The following ANKRD6 variants were observed in gnomAD, a reference collection of about 807,000 sequenced individuals.
ANKRD6 encodes the protein ankyrin repeat domain 6.
A neutral mutation model predicts 82.3 loss-of-function variants in ANKRD6; 56 were observed. The observed-to-expected ratio is 0.68, with a 90% CI of 0.55 to 0.85. ANKRD6 has a LOEUF of 0.85. Among genes scored for constraint, ANKRD6 ranks in the 40% least tolerant of loss-of-function variants. The pLI is 0.00. For missense variants in ANKRD6, 852 were observed against 907.6 expected (o/e 0.94, Z 0.79); for synonymous variants, 347 against 352.1 (o/e 0.99, Z 0.16).
chr6:89,506,788 G>A (rs540731733), intron 1 of ANKRD6, among the ~76,000 whole-genome samples: 105 of 152,204 alleles, frequency 6.9e-4, no homozygotes, highest in Non-Finnish European at 7.3e-4. Context: ...TTCGCATCCC[G>A]ATCTCTAGCT....
chr6:89,547,510 C>T (rs1204411124), intron 1 of ANKRD6, among the ~76,000 whole-genome samples: 1 of 152,278 alleles, frequency 6.6e-6, no homozygotes, highest in South Asian at 2.1e-4. Context: ...GGGCAGCCTG[C>T]CCTGCTCAGC....
At chr6:89,617,623 G>A (rs911241399) in intron 8 of ANKRD6, among the ~76,000 whole-genome samples, 6 of 152,174 alleles carry the variant, frequency 3.9e-5, no homozygotes, top group Admixed American at 1.3e-4. Context: ...TGAGTGCTAC[G>A]TTCCCTCCCC....
intron 1 of ANKRD6, among the ~76,000 whole-genome samples, chr6:89,451,523 A>G (rs1417690025): frequency 6.6e-6 from 1 of 152,158 alleles, no homozygotes; most frequent in Non-Finnish European, 1.5e-5. Context: ...ATTTCCTTCC[A>G]TTTTATTACT....
intron 1 of ANKRD6, among the ~76,000 whole-genome samples, chr6:89,512,678 G>A (rs1317259876): frequency 6.6e-6 from 1 of 152,186 alleles, no homozygotes; most frequent in Non-Finnish European, 1.5e-5. Context: ...GCATGGAATT[G>A]GATTCCCTGG....
At chr6:89,553,731 C>T (rs143598262) in intron 1 of ANKRD6, among the ~76,000 whole-genome samples, 71 of 152,262 alleles carry the variant, frequency 4.7e-4, no homozygotes, top group African/African-American at 1.5e-3. Flanking sequence ...CCTCTCGTCT[C>T]GCCCTCACCA....
intron 1 of ANKRD6, among the ~76,000 whole-genome samples, chr6:89,554,910 C>T (rs747753676): frequency 3.9e-5 from 6 of 152,104 alleles, no homozygotes; most frequent in Non-Finnish European, 5.9e-5. Flanking sequence ...AAAGGAAATC[C>T]AAAATATAAC....
At chr6:89,560,082 A>G (rs987120146) in intron 1 of ANKRD6, among the ~76,000 whole-genome samples, 1 of 152,244 alleles carries the variant, frequency 6.6e-6, no homozygotes, top group Non-Finnish European at 1.5e-5. Flanking sequence ...GGTTCCTGCC[A>G]CAAGGAGTTC....
chr6:89,451,667 CTAAT>C, intron 1 of ANKRD6, among the ~76,000 whole-genome samples: 1 of 152,320 alleles, frequency 6.6e-6, no homozygotes, highest in South Asian at 2.1e-4. Context: ...CCTAAACTAA[CTAAT>C]TTATATTCTT....
chr6:89,477,054 C>T (rs1351240463), intron 1 of ANKRD6, among the ~76,000 whole-genome samples: 6 of 152,230 alleles, frequency 3.9e-5, no homozygotes, highest in Admixed American at 2.6e-4. Context: ...ACGCCATTCT[C>T]CTGCCTCAGC....
intron 1 of ANKRD6, among the ~76,000 whole-genome samples, chr6:89,458,630 C>T (rs1773753682): frequency 6.6e-6 from 1 of 152,224 alleles, no homozygotes; most frequent in South Asian, 2.1e-4. Context: ...CTCAGCAAGT[C>T]TGCCCTTCCA....
chr6:89,475,680 G>T (rs1056470618), intron 1 of ANKRD6, among the ~76,000 whole-genome samples: 7 of 152,220 alleles, frequency 4.6e-5, no homozygotes, highest in Non-Finnish European at 1.0e-4. Context: ...CTAGATAGAT[G>T]AGGTGATTGT....
intron 1 of ANKRD6, among the ~76,000 whole-genome samples, chr6:89,481,241 GC>G (rs879265819): frequency 2.2e-4 from 33 of 152,228 alleles, no homozygotes; most frequent in Non-Finnish European, 3.4e-4. Context: ...CATGTTGGTG[GC>G]CACATAGCAA....
At chr6:89,604,564 T>C (rs755471822) in intron 4 of ANKRD6, among the ~76,000 whole-genome samples, 4 of 152,128 alleles carry the variant, frequency 2.6e-5, no homozygotes, top group Non-Finnish European at 4.4e-5. Flanking sequence ...TACAGAAAAG[T>C]GGACAAATAA....
chr6:89,523,627 A>G (rs1005276150), intron 1 of ANKRD6, among the ~76,000 whole-genome samples: 9 of 152,104 alleles, frequency 5.9e-5, no homozygotes, highest in Admixed American at 3.9e-4. Flanking sequence ...CCTTGGTTCT[A>G]TGCCCCAAGT....
chr6:89,554,828 T>C (rs1020952273), intron 1 of ANKRD6, among the ~76,000 whole-genome samples: 9 of 152,174 alleles, frequency 5.9e-5, no homozygotes, highest in African/African-American at 1.9e-4. Context: ...TAAGAAGATA[T>C]TCAAAGAAGC....
chr6:89,439,673 A>G (rs1771115215), intron 1 of ANKRD6, among the ~76,000 whole-genome samples: 1 of 152,126 alleles, frequency 6.6e-6, no homozygotes, highest in African/African-American at 2.4e-5. Context: ...AATAATTAAA[A>G]TTTACCATCT....
intron 1 of ANKRD6, among the ~76,000 whole-genome samples, chr6:89,494,968 C>T (rs1778424240): frequency 6.6e-6 from 1 of 152,198 alleles, no homozygotes; most frequent in South Asian, 2.1e-4. Flanking sequence ...GGCACGGTGG[C>T]TCACGCCTGT....
chr6:89,462,536 A>G (rs1774311059), intron 1 of ANKRD6, among the ~76,000 whole-genome samples: 2 of 152,128 alleles, frequency 1.3e-5, no homozygotes, highest in African/African-American at 4.8e-5. Context: ...TAACACATAT[A>G]GGACATATAT....
chr6:89,609,063 G>A (rs1266116399), intron 5 of ANKRD6, among the ~76,000 whole-genome samples: 2 of 152,092 alleles, frequency 1.3e-5, no homozygotes, highest in South Asian at 2.1e-4. Flanking sequence ...CTCCCTCCCC[G>A]AAGACCCACT....
Sources: allele counts gnomAD v4.1 joint callset (sites outside exome capture counted in the v4.1 genomes callset), GRCh38; gene constraint gnomAD v4.1.1; transcripts MANE v1.5; gene names NCBI Gene and HGNC (gene_info 2026-07-23, HGNC 2026-07-21).